The following ARMH3 variants were observed in gnomAD, a reference collection of about 807,000 sequenced individuals.
ARMH3 encodes the protein armadillo-like helical domain-containing protein 3.
ARMH3 carries 60 observed loss-of-function variants against 99.1 expected under a neutral mutation model. The ratio of observed to expected loss-of-function variants is 0.61; its 90% CI spans 0.49 to 0.75. The LOEUF is 0.75. Ranked by LOEUF, ARMH3 falls within the 30% of genes least tolerant of loss-of-function variation. The pLI, the probability that ARMH3 is intolerant of heterozygous loss-of-function variation, is 0.00. For missense variants in ARMH3, 679 were observed against 843.1 expected, an observed-to-expected ratio of 0.81 and a Z score of 2.41; for synonymous variants, 285 against 292.8, an observed-to-expected ratio of 0.97 and a Z score of 0.27.
intron 19 of ARMH3, among the ~76,000 whole-genome samples, chr10:101,977,238 G>A (rs1026359461): frequency 2.0e-5 from 3 of 152,124 alleles, no homozygotes; most frequent in African/African-American, 7.2e-5. Context: ...ATATGTTTCT[G>A]AGAGTATTTC....
intron 16 of ARMH3, among the ~76,000 whole-genome samples, chr10:101,993,853 G>A (rs1301392083): frequency 2.0e-5 from 3 of 152,144 alleles, no homozygotes; most frequent in African/African-American, 7.2e-5. Flanking sequence ...TAAGACGCAG[G>A]GACTTAAGGC....
intron 14 of ARMH3, among the ~76,000 whole-genome samples, chr10:102,003,030 A>G (rs557254629): frequency 3.9e-5 from 6 of 152,094 alleles, no homozygotes; most frequent in Non-Finnish European, 8.8e-5. Flanking sequence ...TGATTGGAAC[A>G]GCCTGGGAAC....
At chr10:101,869,138 G>A (rs2067075196) in intron 24 of ARMH3, among the ~76,000 whole-genome samples, 1 of 151,770 alleles carries the variant, frequency 6.6e-6, no homozygotes. Context: ...AGTTTTTGAA[G>A]AGTCAAAATA....
chr10:101,995,036 A>G lies in ARMH3; in HGVS notation c.1209+261T>C, dbSNP rs566273267. On this transcript the variant is annotated intron_variant, in intron 16 of 25. Coordinates refer to ENST00000370033, the MANE Select transcript of ARMH3 (RefSeq NM_024541.3). ...GGGCAACAGAGCGATACTCCGTCTC[A>G]AAACAAACAAACAAACAAACTGCTC... Among the ~76,000 whole-genome samples the G allele has an allele frequency of 2.2e-4, 34 of 152,330 alleles. 1 individual carries two copies. The highest frequency in any genetic ancestry group is 7.9e-4 in the African/African-American group (33 of 41,576).
At chr10:101,971,892 C>T (rs1213790651) in intron 20 of ARMH3, among the ~76,000 whole-genome samples, 1 of 152,216 alleles carries the variant, frequency 6.6e-6, no homozygotes, top group Non-Finnish European at 1.5e-5. Flanking sequence ...GTTGCCTAGA[C>T]ATCAGAGAAG....
intron 9 of ARMH3, among the ~76,000 whole-genome samples, chr10:102,013,350 C>A (rs938740483): frequency 1.3e-5 from 2 of 152,206 alleles, no homozygotes; most frequent in African/African-American, 4.8e-5. Flanking sequence ...GACTTATCAA[C>A]TTTCCCCCAG....
chr10:101,968,061 G>A (rs1405093168), intron 20 of ARMH3, among the ~76,000 whole-genome samples: 2 of 151,964 alleles, frequency 1.3e-5, no homozygotes, highest in Admixed American at 6.6e-5. Flanking sequence ...AAATAAATAA[G>A]GTTCTCAACC....
At chr10:102,024,419 C>A (rs893917190) in intron 6 of ARMH3, among the ~76,000 whole-genome samples, 1 of 151,104 alleles carries the variant, frequency 6.6e-6, no homozygotes, top group Non-Finnish European at 1.5e-5. Flanking sequence ...ATTGCACTCT[C>A]CAGCCTAGGC....
chr10:101,890,940 A>G (rs909826389), intron 23 of ARMH3, among the ~76,000 whole-genome samples: 2 of 150,282 alleles, frequency 1.3e-5, no homozygotes, highest in African/African-American at 4.9e-5. Flanking sequence ...AGTGGCACAA[A>G]CATGGCTCAC....
intron 2 of ARMH3, among the ~76,000 whole-genome samples, chr10:102,039,442 C>T (rs1169233146): frequency 2.0e-5 from 3 of 152,114 alleles, no homozygotes; most frequent in Non-Finnish European, 2.9e-5. Context: ...CGCGCCCAGC[C>T]CCTGATAGGG....
At chr10:101,992,817 C>A (rs1846863985) in intron 17 of ARMH3, among the ~76,000 whole-genome samples, 1 of 151,970 alleles carries the variant, frequency 6.6e-6, no homozygotes, top group Admixed American at 6.6e-5. Context: ...TTTAACATAC[C>A]TCCAAGCTTT....
At chr10:101,940,961 ATGG>A (rs1418929898) in intron 22 of ARMH3, among the ~76,000 whole-genome samples, 1 of 152,220 alleles carries the variant, frequency 6.6e-6, no homozygotes, top group Non-Finnish European at 1.5e-5. Flanking sequence ...GTTTTAATGA[ATGG>A]CTAATTAATA....
intron 23 of ARMH3, among the ~76,000 whole-genome samples, chr10:101,919,896 C>T (rs981477352): frequency 7.0e-6 from 1 of 143,520 alleles, no homozygotes; most frequent in Non-Finnish European, 1.5e-5. Context: ...AATTTCTCTT[C>T]TGGAGAGTCC....
intron 22 of ARMH3, among the ~76,000 whole-genome samples, chr10:101,948,188 C>G (rs1374780932): frequency 6.6e-6 from 1 of 152,092 alleles, no homozygotes; most frequent in Non-Finnish European, 1.5e-5. Context: ...CAACTGTAAG[C>G]TGTGTACAAG....
chr10:101,847,781 A>G (rs766927922), intron 25 of ARMH3, among the ~76,000 whole-genome samples, 161 bp from the exon 26 acceptor site: 5 of 152,220 alleles, frequency 3.3e-5, no homozygotes, highest in Non-Finnish European at 5.9e-5. Context: ...CAGGCAAATG[A>G]GCAAACAGTT....
At position 102,023,738 on chromosome 10, in the gene ARMH3, G is replaced by A. The variant is rs758585054; in HGVS notation, c.519C>T (p.Asn173=). 8 of 1,613,924 alleles carry A rather than the reference G, an allele frequency of 5.0e-6. No homozygotes were observed. Among genetic ancestry groups the A allele is most frequent in the South Asian group, 4.4e-5 (4 of 91,074 alleles). The change falls in exon 7 of 26, where the codon AAC becomes AAT. Residue 173 remains asparagine, a synonymous_variant. Transcript: ENST00000370033. ...LLLCLVTVTD[N]ISQNTILEYV... ...ACTCGAGAATAGTGTTCTGGCTGAT[G>A]TTATCTGTCACCTGAATGTAATAAA...
intron 19 of ARMH3, among the ~76,000 whole-genome samples, chr10:101,987,724 C>T (rs547892883): frequency 1.5e-3 from 232 of 152,306 alleles, no homozygotes; most frequent in Non-Finnish European, 1.2e-3. Context: ...TGGGGAAAGA[C>T]AGCTGCCATG....
intron 24 of ARMH3, among the ~76,000 whole-genome samples, chr10:101,865,486 C>T (rs897695161): frequency 3.3e-5 from 5 of 151,780 alleles, no homozygotes; most frequent in Non-Finnish European, 1.5e-5. Flanking sequence ...ACTGTACTAC[C>T]GTAATTTTTT....
At chr10:102,029,503 TC>T (rs2067074900) in intron 5 of ARMH3, 134 bp downstream of exon 5, 1 of 1,573,798 alleles carries the variant, frequency 6.4e-7, no homozygotes. Context: ...AATAAAAACA[TC>T]TAAATGCAAG....
Sources: allele counts gnomAD v4.1 joint callset (sites outside exome capture counted in the v4.1 genomes callset), GRCh38; gene constraint gnomAD v4.1.1; transcripts MANE v1.5; gene names NCBI Gene and HGNC (gene_info 2026-07-23, HGNC 2026-07-21).